Variants in FXN observed in about 807,000 individuals in gnomAD.
The protein encoded by FXN is frataxin, mitochondrial.
FXN carries 14 observed loss-of-function variants against 22.4 expected under a neutral mutation model. The ratio of observed to expected loss-of-function variants is 0.62; its 90% CI spans 0.41 to 0.98. The LOEUF (loss-of-function observed/expected upper bound fraction) is 0.98, where lower values mean the gene tolerates loss of function less well. FXN is among the 50% of genes least tolerant of loss of function. The pLI is 0.00. For synonymous variants in FXN, 120 were observed against 114.1 expected (o/e 1.05, Z -0.33); for missense variants, 267 against 268.4 (o/e 0.99, Z 0.04).
At chr9:69,052,292 C>G (rs1831867391) in intron 2 of FXN, among the ~76,000 whole-genome samples, 1 of 151,468 alleles carries the variant, frequency 6.6e-6, no homozygotes, top group African/African-American at 2.4e-5. Context: ...TAGCTGGGAA[C>G]TACAGGCGTG....
chr9:69,059,104 G>A (rs1237304342), intron 3 of FXN, among the ~76,000 whole-genome samples: 7 of 151,748 alleles, frequency 4.6e-5, no homozygotes, highest in Non-Finnish European at 1.0e-4. Flanking sequence ...TGAAAGTGAG[G>A]TACAGAAACA....
chr9:69,067,045 G>C (rs1408291466), intron 4 of FXN, among the ~76,000 whole-genome samples: 2 of 152,246 alleles, frequency 1.3e-5, no homozygotes, highest in Non-Finnish European at 2.9e-5. Context: ...TGGGAGTCGG[G>C]GGAAGGGAGG....
intron 1 of FXN, among the ~76,000 whole-genome samples, chr9:69,036,379 G>T (rs1260895906): frequency 6.6e-6 from 1 of 152,244 alleles, no homozygotes; most frequent in Non-Finnish European, 1.5e-5. Context: ...TATATAGCGT[G>T]TGTGTTGTGT....
chr9:69,046,244 C>G, intron 1 of FXN, 141 bp from the exon 2 acceptor site: 1 of 689,778 alleles, frequency 1.4e-6, no homozygotes. Flanking sequence ...TTAAGAAAAG[C>G]AACATATTCC....
At chr9:69,072,158 A>G (rs1832287629) in intron 4 of FXN, among the ~76,000 whole-genome samples, 1 of 152,214 alleles carries the variant, frequency 6.6e-6, no homozygotes, top group Non-Finnish European at 1.5e-5. Context: ...GTTGCACAAC[A>G]TTGTAAATGT....
intron 3 of FXN, among the ~76,000 whole-genome samples, chr9:69,062,734 G>A (rs916985296): frequency 1.2e-4 from 18 of 152,082 alleles, no homozygotes; most frequent in African/African-American, 3.6e-4. Flanking sequence ...GCTATGGGAT[G>A]GGGAAATTAG....
chr9:69,073,563 T>C lies in FXN; in HGVS notation c.*801T>C. 1 of 985,430 alleles carries C rather than the reference T, an allele frequency of 1.0e-6. No individual in the cohort carries two copies. The highest frequency in any genetic ancestry group is 4.7e-5 in the South Asian group (1 of 21,284). 61.0% of individuals were successfully genotyped at this position (985,430 alleles called of 1,614,324 possible). On this transcript the variant is annotated 3_prime_UTR_variant, in exon 5 of 5. Transcript: ENST00000484259. ...ATCATGGAGCTGAGGAGGTGCCTTGTAAACATGAAGGGGCAGATAAAGGAA... is the reference window on the plus strand; with the variant it reads ...ATCATGGAGCTGAGGAGGTGCCTTGCAAACATGAAGGGGCAGATAAAGGAA...
chr9:69,046,191 C>T (rs1007394467), intron 1 of FXN, among the ~76,000 whole-genome samples, 194 bp from the exon 2 acceptor site: 4 of 151,948 alleles, frequency 2.6e-5, no homozygotes, highest in Non-Finnish European at 5.9e-5. Flanking sequence ...AGTAGGAAAC[C>T]GGGAACCAGG....
At chr9:69,060,150 C>T (rs1206040042) in intron 3 of FXN, among the ~76,000 whole-genome samples, 3 of 152,158 alleles carry the variant, frequency 2.0e-5, no homozygotes, top group Non-Finnish European at 2.9e-5. Context: ...GGGCGGATCA[C>T]GAGGTCAGGA....
chr9:69,074,666 G>A lies in FXN; in HGVS notation c.*1904G>A, dbSNP rs1251703406. 49 of 982,110 alleles carry A rather than the reference G, an allele frequency of 5.0e-5. No individual in the cohort carries two copies. The highest frequency in any genetic ancestry group is 5.8e-5 in the Non-Finnish European group (48 of 827,100). 60.8% of individuals were successfully genotyped at this position (982,110 alleles called of 1,614,324 possible). On this transcript the variant is annotated 3_prime_UTR_variant, in exon 5 of 5. Coordinates refer to ENST00000484259, the MANE Select transcript of FXN (RefSeq NM_000144.5). ...TATAGTCCCAGCTGCACAGGAGGCT[G>A]AGACAGGAGGATTGCTTGAAGCCAG...
At chr9:69,046,324 T>C (rs1320476670) in intron 1 of FXN, 61 bp from the exon 2 acceptor site, 1 of 1,184,136 alleles carries the variant, frequency 8.4e-7, no homozygotes, top group Non-Finnish European at 1.3e-6. Flanking sequence ...ATATAAATTA[T>C]GCATTAATGG....
Position 69,075,537 on chromosome 9 carries a change from C to T in FXN, c.*2775C>T, listed in dbSNP as rs1564342586. On this transcript the variant is annotated 3_prime_UTR_variant, in exon 5 of 5. Coordinates refer to ENST00000484259, the MANE Select transcript of FXN (RefSeq NM_000144.5). Reference sequence around the variant, plus strand: ...GGGAAGAATCAAAATCATATTCTGTCAAGCAAACTGGAAAAGTACCACTGT... The same window carrying T: ...GGGAAGAATCAAAATCATATTCTGTTAAGCAAACTGGAAAAGTACCACTGT... 1.0e-6 allele frequency: 1 copy of T among 984,992 alleles called. No individual in the cohort carries two copies. The highest frequency in any genetic ancestry group is 6.2e-5 in the Admixed American group (1 of 16,238). The allele number at this position is 984,992 out of a possible 1,614,324, so 61.0% of individuals were successfully genotyped here.
At chr9:69,063,272 GA>G (rs1832108030) in intron 3 of FXN, among the ~76,000 whole-genome samples, 1 of 152,176 alleles carries the variant, frequency 6.6e-6, no homozygotes, top group Non-Finnish European at 1.5e-5. Flanking sequence ...GGGATTGAGA[GA>G]ATGCTTCATC....
chr9:69,046,300 G>T, intron 1 of FXN, 85 bp from the exon 2 acceptor site: 1 of 964,540 alleles, frequency 1.0e-6, no homozygotes, highest in Non-Finnish European at 1.7e-6. Context: ...GCACTCGAAT[G>T]TAGAAGTAGC....
chr9:69,075,815 C>A lies in FXN; in HGVS notation c.*3053C>A. ...GTACAATCAAAGCTCATGGCAGCCTCGACCTCCCTGGGCTTGGGCAATCCT... is the reference window on the plus strand; with the variant it reads ...GTACAATCAAAGCTCATGGCAGCCTAGACCTCCCTGGGCTTGGGCAATCCT... On this transcript the variant is annotated 3_prime_UTR_variant, in exon 5 of 5. Transcript: ENST00000484259. The A allele has an allele frequency of 1.4e-6, 1 of 714,630 alleles. No homozygotes were observed. The highest frequency in any genetic ancestry group is 1.7e-6 in the Non-Finnish European group (1 of 583,364). 44.3% of individuals were successfully genotyped at this position (714,630 alleles called of 1,614,324 possible).
chr9:69,035,930 T>G lies in FXN; in HGVS notation c.148T>G (p.Cys50Gly). 1 of 1,448,932 alleles carries G rather than the reference T, an allele frequency of 6.9e-7. No individual in the cohort carries two copies. The highest frequency in any genetic ancestry group is 9.1e-7 in the Non-Finnish European group (1 of 1,103,572). 89.8% of individuals were successfully genotyped at this position (1,448,932 alleles called of 1,614,324 possible). ...RGLRTDIDAT[C>G]TPRRASSNQR... is the part of the protein sequence containing the mutation. ...CCTGCGCACCGACATCGATGCGACC[T>G]GCACGCCCCGCCGCGCAGTAAGTAT... The change falls in exon 1 of 5, where the codon TGC becomes GGC. Residue 50 changes from cysteine to glycine, a missense_variant. Cys to Gly is a radical substitution (Grantham distance 159). Transcript: ENST00000484259.
At chr9:69,038,883 T>C (rs149875882) in intron 1 of FXN, among the ~76,000 whole-genome samples, 5 of 152,342 alleles carry the variant, frequency 3.3e-5, no homozygotes, top group Admixed American at 2.0e-4. Flanking sequence ...AAGTAAATGC[T>C]CTATCTGTAT....
rs1377099659 is a variant in FXN at position 69,073,868 on chromosome 9, C to G, written c.*1106C>G. 1 of 985,336 alleles carries G rather than the reference C, an allele frequency of 1.0e-6. No homozygotes were observed. Among genetic ancestry groups the G allele is most frequent in the South Asian group, 4.7e-5 (1 of 21,282 alleles). The allele number at this position is 985,336 out of a possible 1,614,324, so 61.0% of individuals were successfully genotyped here. On this transcript the variant is annotated 3_prime_UTR_variant, in exon 5 of 5. Transcript: ENST00000484259. Reference sequence around the variant, plus strand: ...TATTGGTGTTGCCCTATCGTGATTTCAGTTGAATTCATGTGAAAATAATAG... The same window carrying G: ...TATTGGTGTTGCCCTATCGTGATTTGAGTTGAATTCATGTGAAAATAATAG...
At position 69,075,602 on chromosome 9, in the gene FXN, C is replaced by A; in HGVS notation, c.*2840C>A. 2 of 985,290 alleles carry A rather than the reference C, an allele frequency of 2.0e-6. No homozygotes were observed. The highest frequency in any genetic ancestry group is 2.4e-6 in the Non-Finnish European group (2 of 829,850). The allele number at this position is 985,290 out of a possible 1,614,324, so 61.0% of individuals were successfully genotyped here. A position where few individuals can be genotyped will look rare whatever the true frequency, so the allele number is the denominator to read the frequency against. On this transcript the variant is annotated 3_prime_UTR_variant, in exon 5 of 5. Coordinates refer to ENST00000484259, the MANE Select transcript of FXN (RefSeq NM_000144.5). ...TCCCCACCACAGACCCTGGGAGCAT[C>A]GCCTCATTTATGGTGTGGTCCAGTC... is the stretch of plus-strand genomic sequence containing the variant.
Sources: allele counts gnomAD v4.1 joint callset (sites outside exome capture counted in the v4.1 genomes callset), GRCh38; gene constraint gnomAD v4.1.1; transcripts MANE v1.5; gene names NCBI Gene and HGNC (gene_info 2026-07-23, HGNC 2026-07-21).